DPM1: variants seen among roughly 807,000 people sequenced by gnomAD.
DPM1 encodes dolichol-phosphate mannosyltransferase subunit 1.
DPM1 carries 27 observed loss-of-function variants against 39.0 expected under a neutral mutation model. The ratio of observed to expected loss-of-function variants is 0.69; its 90% confidence interval spans 0.51 to 0.95. DPM1 has a LOEUF of 0.95. DPM1 is among the 40% of genes least tolerant of loss of function. The pLI is 0.00. For synonymous variants in DPM1, 124 were observed against 109.0 expected, an observed-to-expected ratio of 1.14 and a Z score of -0.86; for missense variants, 307 against 315.6, an observed-to-expected ratio of 0.97 and a Z score of 0.21.
chr20:50,943,986 C>T (rs182495576), intron 5 of DPM1, among the ~76,000 whole-genome samples: 2,099 of 152,224 alleles, frequency 0.014, 45 homozygotes, highest in African/African-American at 0.047. Context: ...GTGATCCGCC[C>T]GCCTCGGCCC....
In DPM1 at chr20:50,935,156, T is replaced by C. The variant is rs769964944; in HGVS notation, c.759A>G (p.Leu253=). Reference sequence around the variant, plus strand: ...TTTATGTAGTAGCAAAAAGAGTCAATAATCCTTTCAAGAAAGATACTATTT... The same window carrying C: ...TTTATGTAGTAGCAAAAAGAGTCAACAATCCTTTCAAGAAAGATACTATTT... ...GNEIVSFLKG[L]LTLFATT The change falls in exon 9 of 9, where the codon TTA becomes TTG. Residue 253 remains leucine, a synonymous_variant. Transcript: ENST00000371588. 2.6e-5 allele frequency: 41 copies of C among 1,599,862 alleles called. No homozygotes were observed. The African/African-American group carries it at 5.0e-4, about 19-fold the overall frequency.
intron 2 of DPM1, among the ~76,000 whole-genome samples, chr20:50,950,109 T>C (rs141297475): frequency 1.9e-4 from 29 of 152,360 alleles, no homozygotes; most frequent in Non-Finnish European, 3.5e-4. Context: ...ACTTTTTATC[T>C]TTTGTGAATC....
intron 3 of DPM1, among the ~76,000 whole-genome samples, chr20:50,946,747 A>T (rs1986309197): frequency 6.6e-6 from 1 of 152,214 alleles, no homozygotes; most frequent in Non-Finnish European, 1.5e-5. Context: ...TCTTATGAGC[A>T]AGGCTGAACT....
At chr20:50,941,263 T>TATAA (rs1491148504) in intron 6 of DPM1, 26 of 156,002 alleles carry the variant, frequency 1.7e-4, no homozygotes, top group African/African-American at 5.8e-4. Flanking sequence ...TATATATATA[T>TATAA]AAATAAAATA....
chr20:50,952,807 A>G (rs1986648501), intron 2 of DPM1, among the ~76,000 whole-genome samples: 1 of 152,240 alleles, frequency 6.6e-6, no homozygotes, highest in African/African-American at 2.4e-5. Context: ...TTATCAGAGT[A>G]AGTTTTTAAA....
At chr20:50,935,293 C>A in intron 8 of DPM1, 57 bp from the exon 9 acceptor site, 2 of 1,017,890 alleles carry the variant, frequency 2.0e-6, no homozygotes, top group South Asian at 1.3e-5. Context: ...GCAGCTTAGC[C>A]GGTATACCAC....
intron 7 of DPM1, among the ~76,000 whole-genome samples, chr20:50,939,488 C>T (rs1322530497): frequency 6.6e-6 from 1 of 151,856 alleles, no homozygotes; most frequent in Non-Finnish European, 1.5e-5. Flanking sequence ...CCCACCACCA[C>T]ACTTGGCTAA....
At chr20:50,953,849 T>G (rs1391022779) in intron 2 of DPM1, among the ~76,000 whole-genome samples, 1 of 152,242 alleles carries the variant, frequency 6.6e-6, no homozygotes, top group African/African-American at 2.4e-5. Flanking sequence ...ACCCTGGGCT[T>G]CTAAAGAAAA....
At chr20:50,943,281 C>T (rs796304594) in intron 5 of DPM1, among the ~76,000 whole-genome samples, 1 of 152,244 alleles carries the variant, frequency 6.6e-6, no homozygotes, top group South Asian at 2.1e-4. Context: ...GAATATTCAA[C>T]TCACACACCT....
chr20:50,937,286 C>G (rs1601019292), intron 7 of DPM1, among the ~76,000 whole-genome samples: 1 of 152,116 alleles, frequency 6.6e-6, no homozygotes, highest in Non-Finnish European at 1.5e-5. Context: ...TAGGACAGCA[C>G]AGCCCTTAGA....
Position 50,951,523 on chromosome 20 carries a change from T to C in DPM1, c.262-2861A>G, listed in dbSNP as rs376868646. 1.6e-4 allele frequency among the ~76,000 whole-genome samples: 25 copies of C among 152,320 alleles called. No homozygotes were observed. The East Asian group carries it at 4.8e-3, about 29-fold the overall frequency. On this transcript the variant is annotated intron_variant, in intron 2 of 8. Transcript: ENST00000371588. ...TGTTCATCAGGTCGGGCGTGGTGGC[T>C]CACGCCTGTAATCCCAGCACTTTGC...
chr20:50,940,159 C>G (rs1985601821), intron 7 of DPM1, among the ~76,000 whole-genome samples: 1 of 150,266 alleles, frequency 6.7e-6, no homozygotes, highest in African/African-American at 2.5e-5. Flanking sequence ...GATTTTCCTG[C>G]ATTAAGCAAA....
intron 2 of DPM1, among the ~76,000 whole-genome samples, chr20:50,953,227 G>A (rs887340633): frequency 6.6e-6 from 1 of 152,212 alleles, no homozygotes; most frequent in Admixed American, 6.5e-5. Context: ...ATAGTTCAGA[G>A]TAAGTGCCCC....
rs1986235849 is a variant in DPM1, at chr20:50,945,627, G to C, written c.398+110C>G. The C allele has an allele frequency of 1.3e-5, 14 of 1,084,872 alleles. No individual in the cohort carries two copies. In the Admixed American group the frequency reaches 3.2e-4, roughly 25 times the overall value. 67.2% of individuals were successfully genotyped at this position (1,084,872 alleles called of 1,614,324 possible). A position where few individuals can be genotyped will look rare whatever the true frequency, so the allele number is the denominator to read the frequency against. On this transcript the variant is annotated intron_variant, in intron 5 of 8. Transcript: ENST00000371588. ...CCAAACTTTGTTTATATTTTTGATA[G>C]AAAAAATAGTATGTGTATTTTTGAT...
rs1986249915 is a variant in DPM1 at position 50,945,806 on chromosome 20, A to G, written c.372+41T>C. 4 of 1,611,084 alleles carry G rather than the reference A, an allele frequency of 2.5e-6. No individual in the cohort carries two copies. In the East Asian group the frequency reaches 6.7e-5, roughly 27 times the overall value. Reference sequence around the variant, plus strand: ...AAACAGTAAGTCAGTAAAACAGGCTAAGACTACCATAAATAGCTAATAAAG... The same window carrying G: ...AAACAGTAAGTCAGTAAAACAGGCTGAGACTACCATAAATAGCTAATAAAG... On this transcript the variant is annotated intron_variant, in intron 4 of 8. Coordinates refer to ENST00000371588, the MANE Select transcript of DPM1 (RefSeq NM_003859.3).
At chr20:50,956,367 G>C (rs531725622) in intron 1 of DPM1, among the ~76,000 whole-genome samples, 1 of 151,920 alleles carries the variant, frequency 6.6e-6, no homozygotes, top group African/African-American at 2.4e-5. Flanking sequence ...ACTTTGGGAG[G>C]CCGAGGCAGG....
intron 5 of DPM1, among the ~76,000 whole-genome samples, chr20:50,943,962 G>A (rs190320016): frequency 5.6e-4 from 84 of 149,764 alleles, no homozygotes; most frequent in African/African-American, 1.9e-3. Context: ...GGATGGTCTC[G>A]ATCTCCTGAC....
chr20:50,953,778 T>C (rs556349268), intron 2 of DPM1, among the ~76,000 whole-genome samples: 2 of 152,330 alleles, frequency 1.3e-5, no homozygotes, highest in Non-Finnish European at 2.9e-5. Flanking sequence ...TGTTGTCTGG[T>C]TGATGGTCCG....
rs1020154329 is a variant in DPM1, at chr20:50,934,884, A to T, written c.*248T>A. The T allele has an allele frequency of 3.3e-4, 101 of 303,702 alleles. No homozygotes were observed. The highest frequency in any genetic ancestry group is 5.3e-4 in the Non-Finnish European group (87 of 162,682). The allele number at this position is 303,702 out of a possible 1,614,324, so 18.8% of individuals were successfully genotyped here. ...GGCAGCAATACTTTATGCAAAAAAAAATATACATTTATTTATAGGTCTCAA... is the reference window on the plus strand; with the variant it reads ...GGCAGCAATACTTTATGCAAAAAAATATATACATTTATTTATAGGTCTCAA... On this transcript the variant is annotated 3_prime_UTR_variant, in exon 9 of 9. Coordinates refer to ENST00000371588, the MANE Select transcript of DPM1 (RefSeq NM_003859.3).
Sources: allele counts gnomAD v4.1 joint callset (sites outside exome capture counted in the v4.1 genomes callset), GRCh38; gene constraint gnomAD v4.1.1; transcripts MANE v1.5; gene names NCBI Gene and HGNC (gene_info 2026-07-23, HGNC 2026-07-21).